Variants in SLC13A3 observed in about 807,000 individuals in gnomAD.
SLC13A3 encodes Na(+)/dicarboxylate cotransporter 3.
Under a neutral mutation model 59.0 loss-of-function variants are expected in SLC13A3, and 40 were observed. The observed-to-expected ratio is 0.68, with a 90% CI of 0.53 to 0.88. The LOEUF (loss-of-function observed/expected upper bound fraction) is 0.88, where lower values mean the gene tolerates loss of function less well. SLC13A3 is among the 40% of genes least tolerant of loss of function. SLC13A3 has a pLI of 0.00. For missense variants in SLC13A3, 699 were observed against 783.2 expected (o/e 0.89, Z 1.28); for synonymous variants, 317 against 330.3 (o/e 0.96, Z 0.44).
intron 1 of SLC13A3, among the ~76,000 whole-genome samples, chr20:46,624,422 T>A (rs1299200075): frequency 6.6e-6 from 1 of 152,256 alleles, no homozygotes; most frequent in Non-Finnish European, 1.5e-5. Flanking sequence ...TATCTCCATT[T>A]AGCAGATAAT....
At chr20:46,602,326 A>G (rs2062387908) in intron 3 of SLC13A3, among the ~76,000 whole-genome samples, 1 of 152,178 alleles carries the variant, frequency 6.6e-6, no homozygotes, top group Non-Finnish European at 1.5e-5. Flanking sequence ...ACAGAGAAAG[A>G]CCTTGTCTCT....
At chr20:46,570,202 C>T (rs2062017878) in intron 10 of SLC13A3, among the ~76,000 whole-genome samples, 1 of 152,188 alleles carries the variant, frequency 6.6e-6, no homozygotes, top group Admixed American at 6.5e-5. Flanking sequence ...AATAAGTGCA[C>T]ACGAAACACT....
intron 2 of SLC13A3, among the ~76,000 whole-genome samples, chr20:46,612,607 CAAA>C (rs3086509): frequency 3.4e-5 from 5 of 148,972 alleles, no homozygotes; most frequent in South Asian, 2.1e-4. Flanking sequence ...TGTCTGTGTT[CAAA>C]AAAAAAAAAA....
intron 1 of SLC13A3, among the ~76,000 whole-genome samples, chr20:46,638,183 G>T (rs1210545910): frequency 6.6e-6 from 1 of 152,208 alleles, no homozygotes; most frequent in Non-Finnish European, 1.5e-5. Context: ...CATACCTGCG[G>T]CTGGGCACTC....
chr20:46,669,193 T>G (rs1476473110), intron 1 of SLC13A3, among the ~76,000 whole-genome samples: 1 of 152,196 alleles, frequency 6.6e-6, no homozygotes, highest in Non-Finnish European at 1.5e-5. Flanking sequence ...TTATATGTGT[T>G]GAGTGAAGGA....
chr20:46,623,352 A>C (rs546223784), intron 1 of SLC13A3, among the ~76,000 whole-genome samples: 1 of 152,276 alleles, frequency 6.6e-6, no homozygotes, highest in Non-Finnish European at 1.5e-5. Context: ...GGCGTCTTCT[A>C]TGTATTAACT....
At chr20:46,578,478 T>G (rs2745733) in intron 9 of SLC13A3, among the ~76,000 whole-genome samples, 5 of 151,520 alleles carry the variant, frequency 3.3e-5, no homozygotes, top group Non-Finnish European at 1.5e-5. Flanking sequence ...GAGTTCAAGA[T>G]CAGCCTGGCC....
chr20:46,657,298 G>C (rs578225544), intron 1 of SLC13A3, among the ~76,000 whole-genome samples: 1 of 151,738 alleles, frequency 6.6e-6, no homozygotes, highest in East Asian at 1.9e-4. Flanking sequence ...ATTTGAACCC[G>C]GGAGGCAGAA....
At chr20:46,642,712 T>C (rs955772616) in intron 1 of SLC13A3, among the ~76,000 whole-genome samples, 1 of 152,220 alleles carries the variant, frequency 6.6e-6, no homozygotes, top group Non-Finnish European at 1.5e-5. Context: ...CTTGTCAGCC[T>C]GACCCCAGAG....
At chr20:46,589,389 C>G (rs773942849) in intron 6 of SLC13A3, 134 bp from the exon 7 acceptor site, 73 of 669,076 alleles carry the variant, frequency 1.1e-4, no homozygotes, top group Non-Finnish European at 1.2e-4. Context: ...AGCTTGTCTC[C>G]CTGCAACTGT....
At chr20:46,633,861 T>A (rs927976362) in intron 1 of SLC13A3, among the ~76,000 whole-genome samples, 6 of 152,240 alleles carry the variant, frequency 3.9e-5, no homozygotes, top group Admixed American at 3.9e-4. Context: ...CAAGCCATGC[T>A]TTTTGGGGTG....
intron 1 of SLC13A3, among the ~76,000 whole-genome samples, chr20:46,619,593 C>T (rs2062595214): frequency 6.6e-6 from 1 of 152,324 alleles, no homozygotes; most frequent in Admixed American, 6.5e-5. Flanking sequence ...GCATTCAAAG[C>T]TTATCAGTGT....
upstream of SLC13A3, among the ~76,000 whole-genome samples, chr20:46,674,637 T>TGTGTA (rs1164243949): frequency 1.6e-5 from 1 of 63,850 alleles, no homozygotes; most frequent in Admixed American, 1.4e-4. Flanking sequence ...GTGTGTGTGT[T>TGTGTA]TGTTTGGAGG....
At chr20:46,562,021 G>T (rs937096108) in intron 12 of SLC13A3, among the ~76,000 whole-genome samples, 42 of 152,022 alleles carry the variant, frequency 2.8e-4, no homozygotes, top group Admixed American at 2.8e-3. Flanking sequence ...TACCTCTTGG[G>T]GACTCTCCAT....
chr20:46,683,988 T>C (rs551945600), intron 1 of SLC13A3, among the ~76,000 whole-genome samples: 1 of 152,280 alleles, frequency 6.6e-6, no homozygotes, highest in South Asian at 2.1e-4. Context: ...TATCACCCTG[T>C]TAAAAACCCT....
At chr20:46,587,365 A>G (rs2062204930) in intron 8 of SLC13A3, among the ~76,000 whole-genome samples, 1 of 152,134 alleles carries the variant, frequency 6.6e-6, no homozygotes, top group Non-Finnish European at 1.5e-5. Context: ...CTCACAGAAA[A>G]AAAACAAACC....
intron 4 of SLC13A3, among the ~76,000 whole-genome samples, chr20:46,596,866 T>C (rs568491182): frequency 7.2e-5 from 11 of 152,126 alleles, no homozygotes; most frequent in Middle Eastern, 3.4e-3. Flanking sequence ...GCCTGGGCAA[T>C]ATAGTGAGAT....
At chr20:46,666,742 G>A (rs964024613) in intron 1 of SLC13A3, among the ~76,000 whole-genome samples, 3 of 152,018 alleles carry the variant, frequency 2.0e-5, no homozygotes, top group Admixed American at 6.6e-5. Flanking sequence ...GGGCTCAAGC[G>A]ACCCTCCTGC....
chr20:46,582,513 G>T (rs1409910403), intron 9 of SLC13A3: 1 of 404,134 alleles, frequency 2.5e-6, no homozygotes, highest in Non-Finnish European at 3.3e-6. Context: ...TGAGGTGGGA[G>T]GTTCACTGGA....
Sources: allele counts gnomAD v4.1 joint callset (sites outside exome capture counted in the v4.1 genomes callset), GRCh38; gene constraint gnomAD v4.1.1; transcripts MANE v1.5; gene names NCBI Gene and HGNC (gene_info 2026-07-23, HGNC 2026-07-21).